Variants in CFAP47 observed in about 807,000 individuals in gnomAD.
CFAP47 encodes cilia and flagella associated protein 47.
CFAP47 carries 29 observed loss-of-function variants against 148.1 expected under a neutral mutation model. The ratio of observed to expected loss-of-function variants is 0.20; its 90% confidence interval spans 0.15 to 0.27. CFAP47 has a LOEUF of 0.27. Among genes scored for constraint, CFAP47 ranks in the 10% least tolerant of loss-of-function variants. CFAP47 has a pLI of 1.00. For missense variants in CFAP47, 1,872 were observed against 1,697.5 expected (o/e 1.10, Z -1.81); for synonymous variants, 664 against 577.3 (o/e 1.15, Z -2.15).
chrX:36,261,617 A>C (rs1940824366), intron 49 of CFAP47, among the ~76,000 whole-genome samples: 1 of 109,463 alleles, frequency 9.1e-6, no homozygotes. Flanking sequence ...GACACAGCAC[A>C]TGTTTCAGAG....
rs1939081530 is a variant in CFAP47, at chrX:36,138,363, A to G, written c.5434A>G (p.Ile1812Val). Residue 1812 changes from isoleucine to valine, a missense_variant, in exon 35 of 64, where the codon ATA (isoleucine) becomes GTA (valine). Physicochemically the swap from Ile to Val is conservative, Grantham distance 29. Coordinates refer to ENST00000378653, the MANE Select transcript of CFAP47 (RefSeq NM_001304548.2). ...YCPFLIESHFINMYTRPKSPE... is the reference protein window; with the variant it reads ...YCPFLIESHFVNMYTRPKSPE... The stretch of plus-strand genomic sequence containing the variant: ...TTTTTTACAGATTGAGTCTCATTTT[A>G]TAAATATGTACACACGACCAAAAAG... The G allele has an allele frequency of 3.6e-6, 4 of 1,126,063 alleles. No homozygotes were observed. The African/African-American group carries it at 5.8e-5, about 16-fold the overall frequency. 92.8% of individuals were successfully genotyped at this position (1,126,063 alleles called of 1,213,427 possible). A position where few individuals can be genotyped will look rare whatever the true frequency, so the allele number is the denominator to read the frequency against.
rs1940459715 is a variant in CFAP47, at chrX:36,236,009, C to T, written c.7090C>T (p.His2364Tyr). The change falls in exon 47 of 64, where the codon CAT becomes TAT. Residue 2364 changes from histidine (H) to tyrosine (Y), a missense_variant. By Grantham distance (83) the His-to-Tyr change is moderately conservative. Transcript: ENST00000378653. ...ATGGTTTTATGGACCTGTTGATTTA[C>T]ATGTTGGACCAGATGAAATTGTGGA... ...GEWFYGPVDL[H>Y]VGPDEIVEYP... 1 of 515,745 alleles carries T rather than the reference C, an allele frequency of 1.9e-6. No individual in the cohort carries two copies. The highest frequency in any genetic ancestry group is 3.7e-5 in the East Asian group (1 of 27,231). 42.5% of individuals were successfully genotyped at this position (515,745 alleles called of 1,213,427 possible).
intron 8 of CFAP47, among the ~76,000 whole-genome samples, chrX:35,964,934 A>G (rs1048939831): frequency 4.5e-5 from 5 of 111,119 alleles, no homozygotes; most frequent in Non-Finnish European, 9.5e-5. Flanking sequence ...TTAACTTACT[A>G]TGTTTGTCTA....
intron 33 of CFAP47, among the ~76,000 whole-genome samples, chrX:36,132,562 A>G (rs1280155324): frequency 1.8e-5 from 2 of 111,707 alleles, no homozygotes; most frequent in Non-Finnish European, 1.9e-5. Context: ...AGTAGCTTGT[A>G]TCAAAGGAAC....
chrX:36,353,744 C>G (rs1190510234), intron 60 of CFAP47, 63 bp downstream of exon 60: 13 of 884,122 alleles, frequency 1.5e-5, no homozygotes, highest in Non-Finnish European at 1.9e-5. Context: ...CCATGAATTG[C>G]AGGTTGCTGA....
At chrX:36,298,927 A>G in intron 51 of CFAP47, 50 bp from the exon 52 acceptor site, 1 of 781,188 alleles carries the variant, frequency 1.3e-6, no homozygotes, top group Non-Finnish European at 1.9e-6. Flanking sequence ...TAGTATAATG[A>G]CTCCATGCTG....
intron 63 of CFAP47, among the ~76,000 whole-genome samples, chrX:36,383,347 T>C (rs888236985): frequency 8.9e-6 from 1 of 111,913 alleles, no homozygotes; most frequent in Non-Finnish European, 1.9e-5. Flanking sequence ...AGCTTACTCA[T>C]GTATACCCAC....
chrX:36,278,837 A>G (rs1420399194), intron 49 of CFAP47, among the ~76,000 whole-genome samples: 1 of 112,060 alleles, frequency 8.9e-6, no homozygotes, highest in Non-Finnish European at 1.9e-5. Flanking sequence ...CACACAGCAC[A>G]TCTTATTTAG....
chrX:36,084,432 T>C (rs1938042933), intron 29 of CFAP47, among the ~76,000 whole-genome samples: 1 of 111,555 alleles, frequency 9.0e-6, no homozygotes, highest in Admixed American at 9.6e-5. Flanking sequence ...ATGCAATAAG[T>C]GGAAGAGCCA....
At chrX:36,209,512 G>C (rs1174472739) in intron 45 of CFAP47, among the ~76,000 whole-genome samples, 1 of 110,366 alleles carries the variant, frequency 9.1e-6, no homozygotes, top group African/African-American at 3.3e-5. Flanking sequence ...AACCCAAATT[G>C]GCAAGAGCAA....
At chrX:36,268,175 C>CTACTCAGTAG (rs1940917450) in intron 49 of CFAP47, among the ~76,000 whole-genome samples, 1 of 113,433 alleles carries the variant, frequency 8.8e-6, no homozygotes, top group African/African-American at 3.2e-5. Context: ...GCCTCCAGGC[C>CTACTCAGTAG]AATTTCTGGC....
Position 35,966,621 on chromosome X carries a change from G to A in CFAP47, c.1467G>A (p.Met489Ile). The A allele has an allele frequency of 8.6e-7, 1 of 1,163,241 alleles. No individual in the cohort carries two copies. ...TTGGAGTCTTCAAAGTGAAGCAGAT[G>A]ATAGAGATTATTGGTTTAGTGGCAG... is the stretch of plus-strand genomic sequence containing the variant. The part of the protein sequence containing the change: ...HQLGVFKVKQ[M>I]IEIIGLVAEE... The change falls in exon 9 of 64, where the codon ATG becomes ATA. Residue 489 changes from methionine (M) to isoleucine (I), a missense_variant. By Grantham distance (10) the Met-to-Ile change is conservative. Transcript: ENST00000378653.
At chrX:36,057,915 C>A (rs1318896329) in intron 26 of CFAP47, among the ~76,000 whole-genome samples, 3 of 111,449 alleles carry the variant, frequency 2.7e-5, no homozygotes, top group Non-Finnish European at 5.7e-5. Context: ...CAGTAGTTTG[C>A]TGGGCATGGT....
At chrX:36,125,658 C>T (rs1938822951) in intron 33 of CFAP47, among the ~76,000 whole-genome samples, 1 of 111,184 alleles carries the variant, frequency 9.0e-6, no homozygotes, top group African/African-American at 3.3e-5. Flanking sequence ...GTCTTCTGTC[C>T]TTAATCCCAT....
chrX:36,182,740 A>G (rs1387882473), intron 40 of CFAP47, among the ~76,000 whole-genome samples: 3 of 112,097 alleles, frequency 2.7e-5, no homozygotes, highest in Non-Finnish European at 5.6e-5. Flanking sequence ...GCATGGTAGC[A>G]AGTAAAACAA....
chrX:36,292,788 C>T (rs1287953311), intron 51 of CFAP47, among the ~76,000 whole-genome samples: 3 of 111,700 alleles, frequency 2.7e-5, no homozygotes, highest in African/African-American at 9.7e-5. Context: ...CACCCTGTAA[C>T]TTTCAAGTAA....
intron 42 of CFAP47, among the ~76,000 whole-genome samples, chrX:36,193,371 G>C (rs1449523948): frequency 8.9e-6 from 1 of 111,773 alleles, no homozygotes; most frequent in African/African-American, 3.2e-5. Flanking sequence ...TGTTTTATTA[G>C]AGATATATTT....
chrX:36,379,314 A>G (rs1393949624), intron 62 of CFAP47, 36 bp from the exon 63 acceptor site: 3 of 1,146,212 alleles, frequency 2.6e-6, no homozygotes, highest in Admixed American at 5.2e-5. Flanking sequence ...AGTAATGACG[A>G]AATTTACTAA....
chrX:36,342,296 A>G (rs1195359102), intron 57 of CFAP47, among the ~76,000 whole-genome samples: 1 of 112,125 alleles, frequency 8.9e-6, no homozygotes, highest in Non-Finnish European at 1.9e-5. Context: ...GTAGGTATGG[A>G]TGAACAAAAA....
Sources: gnomAD v4.1 joint callset for allele counts (sites outside exome capture counted in the v4.1 genomes callset) on GRCh38, gnomAD v4.1.1 for gene constraint, MANE v1.5 for transcripts, NCBI Gene and HGNC (gene_info 2026-07-23, HGNC 2026-07-21) for gene names.